The following ACOT1 variants were observed in gnomAD, a reference collection of about 807,000 sequenced individuals.
ACOT1 encodes the protein acyl-coenzyme A thioesterase 1.
ACOT1 carries 8 observed loss-of-function variants against 15.7 expected under a neutral mutation model. The observed-to-expected ratio is 0.51, with a 90% confidence interval of 0.30 to 0.92. The LOEUF (loss-of-function observed/expected upper bound fraction) is 0.92, where lower values mean the gene tolerates loss of function less well. ACOT1 is among the 40% of genes least tolerant of loss of function. ACOT1 has a pLI of 0.06. For missense variants in ACOT1, 151 were observed against 539.4 expected (o/e 0.28, Z 7.13); for synonymous variants, 67 against 241.2 (o/e 0.28, Z 6.69).
At chr14:73,509,275 C>G in the ACOT1 span, 1 of 1,597,624 alleles carries the variant, frequency 6.3e-7, no homozygotes, top group Non-Finnish European at 8.6e-7. Flanking sequence ...ATGTCTATCC[C>G]ATATTTCCAG....
At chr14:73,509,530 A>G in the ACOT1 span, 2 of 1,585,180 alleles carry the variant, frequency 1.3e-6, no homozygotes, top group Non-Finnish European at 1.7e-6. Flanking sequence ...TCTCACACAC[A>G]GCTTCCTTCC....
the ACOT1 span, chr14:73,522,911 C>T: frequency 1.1e-5 from 18 of 1,614,060 alleles, no homozygotes; most frequent in African/African-American, 4.0e-5. Context: ...GGGCAGGCCT[C>T]GCTGCCACAC....
the ACOT1 span, chr14:73,508,169 A>G: frequency 1.9e-6 from 3 of 1,613,974 alleles, no homozygotes; most frequent in African/African-American, 4.0e-5. Flanking sequence ...AGGATATAAG[A>G]CTGTTCCTCA....
Position 73,543,756 on chromosome 14 carries a change from A to G in ACOT1, c.*101A>G. The G allele has an allele frequency of 4.0e-6, 3 of 748,988 alleles. 1 individual carries two copies. The highest frequency in any genetic ancestry group is 5.4e-6 in the Non-Finnish European group (3 of 558,856). 46.4% of individuals were successfully genotyped at this position (748,988 alleles called of 1,614,324 possible). The stretch of plus-strand genomic sequence containing the variant: ...TATTCATTCTTTCTCATAACTTCTT[A>G]AAGTTTCTTCCCCTCATTATTAAAA... On this transcript the variant is annotated 3_prime_UTR_variant, in exon 3 of 3. Coordinates refer to ENST00000311148, the MANE Select transcript of ACOT1 (RefSeq NM_001037161.2).
chr14:73,528,584 G>A, the ACOT1 span, among the ~76,000 whole-genome samples: 2 of 152,018 alleles, frequency 1.3e-5, no homozygotes, highest in Non-Finnish European at 2.9e-5. Flanking sequence ...ACAGGTGTAA[G>A]GCCAAATTGT....
At chr14:73,496,266 T>C in the ACOT1 span, among the ~76,000 whole-genome samples, 1 of 152,152 alleles carries the variant, frequency 6.6e-6, no homozygotes, top group African/African-American at 2.4e-5. Flanking sequence ...TCCTTCTCTA[T>C]GCCTATTTGA....
At chr14:73,538,380 G>A (rs1310236854) in intron 1 of ACOT1, among the ~76,000 whole-genome samples, 1 of 114,102 alleles carries the variant, frequency 8.8e-6, no homozygotes, top group African/African-American at 2.8e-5. Flanking sequence ...TTGAGAAGCC[G>A]AGGCGGGCGG....
At chr14:73,533,058 G>C (rs1209953550), upstream of ACOT1, among the ~76,000 whole-genome samples, 2 of 115,420 alleles carry the variant, frequency 1.7e-5, 1 homozygote, top group Non-Finnish European at 3.8e-5. Flanking sequence ...CCAGGAGTTT[G>C]AGGCTGCAGT....
chr14:73,523,036 C>G, the ACOT1 span: 1 of 1,614,104 alleles, frequency 6.2e-7, no homozygotes, highest in South Asian at 1.1e-5. Context: ...CAGAGGCACA[C>G]TCCTCCTTGC....
At chr14:73,491,488 C>T in the ACOT1 span, 3 of 1,502,258 alleles carry the variant, frequency 2.0e-6, no homozygotes, top group Non-Finnish European at 1.8e-6. Flanking sequence ...ACTTAGCGGC[C>T]GTCCAGTCGT....
chr14:73,491,165 A>G, the ACOT1 span: 4 of 1,603,982 alleles, frequency 2.5e-6, no homozygotes, highest in Non-Finnish European at 3.4e-6. Context: ...TGTATCCCGC[A>G]TGGCAGCGCT....
the ACOT1 span, among the ~76,000 whole-genome samples, chr14:73,525,018 G>GT: frequency 2.6e-5 from 4 of 151,612 alleles, no homozygotes; most frequent in South Asian, 2.1e-4. Context: ...TTTTTTGTGT[G>GT]TTTTTTTTCT....
the ACOT1 span, among the ~76,000 whole-genome samples, chr14:73,509,862 ATATATATTTATT>A: frequency 4.1e-3 from 257 of 63,170 alleles, 19 homozygotes; most frequent in Non-Finnish European, 6.3e-3. Flanking sequence ...ATATATATAT[ATATATATTTATT>A]TATTTTATAT....
chr14:73,514,021 C>A, the ACOT1 span: 1 of 1,613,774 alleles, frequency 6.2e-7, no homozygotes, highest in Non-Finnish European at 8.5e-7. Context: ...CAGGACCTCC[C>A]TTCACTCACT....
At chr14:73,503,743 T>G in the ACOT1 span, among the ~76,000 whole-genome samples, 1 of 152,226 alleles carries the variant, frequency 6.6e-6, no homozygotes, top group East Asian at 1.9e-4. Flanking sequence ...GTTCTAGCTA[T>G]TTGTAACATT....
rs1186977555 is a variant in ACOT1, at chr14:73,543,174, G to C, written c.785G>C (p.Gly262Ala). 6.2e-7 allele frequency: 1 copy of C among 1,605,424 alleles called. No individual in the cohort carries two copies. Among genetic ancestry groups the C allele is most frequent in the Non-Finnish European group, 8.5e-7 (1 of 1,176,322 alleles). ...VVINGSVANV[G>A]GTLRYKGETL... ...ATCAACGGCTCTGTGGCCAATGTTGGGGGAACCTTACGCTACAAGGGCGAG... is the reference window on the plus strand; with the variant it reads ...ATCAACGGCTCTGTGGCCAATGTTGCGGGAACCTTACGCTACAAGGGCGAG... The change falls in exon 3 of 3, where the codon GGG becomes GCG. Residue 262 changes from glycine to alanine, a missense_variant. By Grantham distance (60) the Gly-to-Ala change is moderately conservative. Coordinates refer to ENST00000311148, the MANE Select transcript of ACOT1 (RefSeq NM_001037161.2).
At position 73,538,195 on chromosome 14, in the gene ACOT1, A is replaced by T. The variant is rs1236384093; in HGVS notation, c.457+317A>T. On this transcript the variant is annotated intron_variant, in intron 1 of 2. Transcript: ENST00000311148. ...GTCCCTGCGCTTTTCATACGGAGAA[A>T]GGATGTAGCTTCCAACATTCCGGAG... Among the ~76,000 whole-genome samples, 6 of 114,286 alleles carry T rather than the reference A, an allele frequency of 5.2e-5. 2 individuals are homozygous for T. The allele number at this position is 114,286 out of a possible 152,430, so 75.0% of individuals were successfully genotyped here.
At chr14:73,513,747 AAAAAAAAAAAT>A in the ACOT1 span, among the ~76,000 whole-genome samples, 1 of 149,728 alleles carries the variant, frequency 6.7e-6, no homozygotes, top group South Asian at 2.1e-4. Flanking sequence ...AAAAAAAAAA[AAAAAAAAAAAT>A]GGTCTCTGCC....
the ACOT1 span, among the ~76,000 whole-genome samples, chr14:73,497,446 A>G: frequency 6.6e-6 from 1 of 152,178 alleles, no homozygotes; most frequent in Admixed American, 6.5e-5. Flanking sequence ...TATAATGTAG[A>G]CTATCACCTG....
Sources: gnomAD v4.1 joint callset for allele counts (sites outside exome capture counted in the v4.1 genomes callset) on GRCh38, gnomAD v4.1.1 for gene constraint, MANE v1.5 for transcripts, NCBI Gene and HGNC (gene_info 2026-07-23, HGNC 2026-07-21) for gene names.